The following MYBL2 variants were observed in gnomAD, a reference collection of about 807,000 sequenced individuals.
MYBL2 encodes myb-related protein B.
In MYBL2, 28 loss-of-function variants were observed where a neutral mutation model predicts 79.9. The ratio of observed to expected loss-of-function variants is 0.35; its 90% confidence interval spans 0.26 to 0.48. MYBL2 has a LOEUF of 0.48. MYBL2 is among the 20% of genes least tolerant of loss of function. The pLI is 0.99. For missense variants in MYBL2, 735 were observed against 893.9 expected (o/e 0.82, Z 2.27); for synonymous variants, 378 against 361.2 (o/e 1.05, Z -0.53).
intron 1 of MYBL2, among the ~76,000 whole-genome samples, chr20:43,667,900 AC>A (rs1986757629): frequency 1.3e-5 from 2 of 151,992 alleles, no homozygotes; most frequent in African/African-American, 4.8e-5. Context: ...TCGGTTTGAG[AC>A]CTCTCTTCCT....
intron 11 of MYBL2, 80 bp from the exon 12 acceptor site, chr20:43,712,922 C>T: frequency 1.8e-6 from 2 of 1,108,044 alleles, no homozygotes; most frequent in Non-Finnish European, 1.3e-6. Context: ...TTGTGACCAT[C>T]CATGGCCATG....
intron 5 of MYBL2, among the ~76,000 whole-genome samples, chr20:43,690,557 C>T (rs1415695728): frequency 6.6e-6 from 1 of 152,128 alleles, no homozygotes; most frequent in African/African-American, 2.4e-5. Flanking sequence ...GGGCAAAGCA[C>T]CAGGAGCACC....
chr20:43,692,036 G>T lies in MYBL2; in HGVS notation c.501-121G>T. The T allele has an allele frequency of 3.4e-6, 3 of 871,884 alleles. No homozygotes were observed. In the Admixed American group the frequency reaches 7.0e-5, roughly 20 times the overall value. The allele number at this position is 871,884 out of a possible 1,614,324, so 54.0% of individuals were successfully genotyped here. ...TCTTGGAACTGAAAGAGACCTTAGAGTTCATCTAGTGGAAGATTCATTTAC... is the reference window on the plus strand; with the variant it reads ...TCTTGGAACTGAAAGAGACCTTAGATTTCATCTAGTGGAAGATTCATTTAC... On this transcript the variant is annotated intron_variant, in intron 5 of 13. Transcript: ENST00000217026.
intron 4 of MYBL2, among the ~76,000 whole-genome samples, chr20:43,685,713 C>G (rs932287265): frequency 2.0e-5 from 3 of 151,908 alleles, no homozygotes; most frequent in African/African-American, 7.3e-5. Context: ...TGAGATCGCC[C>G]CACTGCACCC....
intron 9 of MYBL2, among the ~76,000 whole-genome samples, chr20:43,708,341 C>T (rs960114394): frequency 1.3e-5 from 2 of 152,148 alleles, no homozygotes; most frequent in African/African-American, 4.8e-5. Context: ...CTCAAGCAAT[C>T]CTTCCGCCTC....
intron 6 of MYBL2, among the ~76,000 whole-genome samples, chr20:43,697,455 TAAA>T (rs940212239): frequency 2.7e-5 from 4 of 148,836 alleles, no homozygotes; most frequent in African/African-American, 1.0e-4. Context: ...ACTAAAAATA[TAAA>T]AAATTAACCG....
intron 12 of MYBL2, 144 bp from the exon 13 acceptor site, chr20:43,714,990 C>A: frequency 1.0e-6 from 1 of 974,708 alleles, no homozygotes; most frequent in Non-Finnish European, 1.6e-6. Flanking sequence ...TATCTGAAAG[C>A]AGAAACTGAG....
At chr20:43,693,434 G>T (rs1987460580) in intron 6 of MYBL2, among the ~76,000 whole-genome samples, 1 of 152,092 alleles carries the variant, frequency 6.6e-6, no homozygotes. Context: ...CGCCTCCCAG[G>T]TTAAAGCGAT....
chr20:43,688,276 A>G (rs1052346585), intron 5 of MYBL2, among the ~76,000 whole-genome samples: 5 of 151,682 alleles, frequency 3.3e-5, no homozygotes, highest in Non-Finnish European at 7.4e-5. Context: ...ATCCGGGCTC[A>G]CTGCAACCTC....
At chr20:43,701,406 C>T (rs550631122) in intron 7 of MYBL2, among the ~76,000 whole-genome samples, 8 of 152,302 alleles carry the variant, frequency 5.3e-5, no homozygotes, top group South Asian at 2.1e-4. Flanking sequence ...AACCAGAACT[C>T]GGCTTTAGTG....
rs780074972 is a variant in MYBL2 at position 43,681,834 on chromosome 20, G to A, written c.165G>A (p.Lys55=). 8 of 1,613,832 alleles carry A rather than the reference G, an allele frequency of 5.0e-6. No individual in the cohort carries two copies. Among genetic ancestry groups the A allele is most frequent in the African/African-American group, 1.3e-5 (1 of 75,060 alleles). The change falls in exon 3 of 14, where the codon AAG becomes AAA. Residue 55 remains lysine, a synonymous_variant. Transcript: ENST00000217026. ...LVRQFGQQDW[K]FLASHFPNRT... ...GGCAGTTTGGACAGCAGGACTGGAAGTTCCTGGCCAGCCACTTCCCTGTGA... is the reference window on the plus strand; with the variant it reads ...GGCAGTTTGGACAGCAGGACTGGAAATTCCTGGCCAGCCACTTCCCTGTGA...
intron 2 of MYBL2, among the ~76,000 whole-genome samples, chr20:43,679,314 CAT>C (rs747628182): frequency 1.3e-5 from 2 of 152,220 alleles, no homozygotes; most frequent in Admixed American, 6.5e-5. Context: ...CATATATACA[CAT>C]ATAAATTTGT....
chr20:43,673,945 C>A, intron 2 of MYBL2, 46 bp downstream of exon 2: 3 of 1,484,308 alleles, frequency 2.0e-6, no homozygotes, highest in East Asian at 2.5e-5. Context: ...TGGGGGCTGT[C>A]CAGAGGAACT....
In MYBL2 at chr20:43,700,043, C is replaced by A. The variant is rs191011542; in HGVS notation, c.950C>A (p.Ser317Ter). ...SLSEALDLIE[S>*]DPDAWCDLSK... is the part of the protein sequence containing the mutation. The stretch of plus-strand genomic sequence containing the variant: ...TCTGAAGCCCTGGACTTGATCGAGT[C>A]GGTATGTTGGTCACAACACTTCACA... The change falls in exon 7 of 14, where the codon TCG (serine) becomes TAG (stop). Residue 317 changes from serine (S) to a stop codon, truncating the protein, a stop_gained and splice_region_variant. Transcript: ENST00000217026. LOFTEE classifies it high-confidence loss of function. 6.2e-7 allele frequency: 1 copy of A among 1,612,982 alleles called. No homozygotes were observed. Among genetic ancestry groups the A allele is most frequent in the Non-Finnish European group, 8.5e-7 (1 of 1,179,698 alleles).
At position 43,694,104 on chromosome 20, in the gene MYBL2, G is replaced by A. The variant is rs530638748; in HGVS notation, c.663+1785G>A. On this transcript the variant is annotated intron_variant, in intron 6 of 13. Transcript: ENST00000217026. ...TTGCAGCATTTTGGGAGGCCGAGGC[G>A]GGTGGATCACGAGGACAGGAGATTG... 5.9e-5 allele frequency among the ~76,000 whole-genome samples: 9 copies of A among 151,974 alleles called. No homozygotes were observed. The South Asian group carries it at 1.7e-3, about 28-fold the overall frequency.
chr20:43,702,705 G>T lies in MYBL2; in HGVS notation c.1167G>T (p.Leu389=). 1 of 1,613,718 alleles carries T rather than the reference G, an allele frequency of 6.2e-7. No individual in the cohort carries two copies. Among genetic ancestry groups the T allele is most frequent in the South Asian group, 1.1e-5 (1 of 91,074 alleles). ...SDLSRSSRGE[L]IPISPSTEVG... ...TGAGCCGGAGCAGCCGGGGCGAGCT[G>T]ATCCCCATCTCCCCCAGCACTGAAG... The change falls in exon 8 of 14, where the codon CTG becomes CTT. Residue 389 remains leucine (L), a synonymous_variant. Coordinates refer to ENST00000217026, the MANE Select transcript of MYBL2 (RefSeq NM_002466.4).
chr20:43,710,135 C>A, intron 10 of MYBL2, 73 bp downstream of exon 10: 2 of 1,204,046 alleles, frequency 1.7e-6, no homozygotes, highest in South Asian at 1.6e-5. Context: ...ATGTTCAGTC[C>A]ACAGGACCCT....
At chr20:43,708,498 A>G (rs907021183) in intron 9 of MYBL2, among the ~76,000 whole-genome samples, 2 of 151,932 alleles carry the variant, frequency 1.3e-5, no homozygotes, top group African/African-American at 4.8e-5. Flanking sequence ...CAGTGGTGCA[A>G]TCATGGCTCA....
intron 4 of MYBL2, among the ~76,000 whole-genome samples, chr20:43,686,428 G>T (rs573957558): frequency 6.6e-6 from 1 of 152,326 alleles, no homozygotes; most frequent in East Asian, 1.9e-4. Flanking sequence ...GCAGCCTGGG[G>T]CCTGGCTGGT....
Sources: gnomAD v4.1 joint callset for allele counts (sites outside exome capture counted in the v4.1 genomes callset) on GRCh38, gnomAD v4.1.1 for gene constraint, MANE v1.5 for transcripts, NCBI Gene and HGNC (gene_info 2026-07-23, HGNC 2026-07-21) for gene names.